KCNT2: variants seen among roughly 807,000 people sequenced by gnomAD.
The protein encoded by KCNT2 is potassium channel subfamily T member 2.
Under a neutral mutation model 153.8 loss-of-function variants are expected in KCNT2, and 67 were observed. That is an observed-to-expected ratio of 0.44 (90% CI 0.36 to 0.53). The LOEUF (loss-of-function observed/expected upper bound fraction) is 0.53, where lower values mean the gene tolerates loss of function less well. Ranked by LOEUF, KCNT2 falls within the 20% of genes least tolerant of loss-of-function variation. KCNT2 has a pLI of 0.00. For synonymous variants in KCNT2, 500 were observed against 458.8 expected (o/e 1.09, Z -1.15); for missense variants, 975 against 1,354.8 (o/e 0.72, Z 4.40).
At chr1:196,607,704 A>C (rs1430130580) in intron 1 of KCNT2, among the ~76,000 whole-genome samples, 1 of 152,238 alleles carries the variant, frequency 6.6e-6, no homozygotes, top group African/African-American at 2.4e-5. Context: ...AAAATGTTTA[A>C]ACAGCATAAA....
chr1:196,251,767 A>G (rs1290668935), intron 26 of KCNT2, among the ~76,000 whole-genome samples: 1 of 152,008 alleles, frequency 6.6e-6, no homozygotes, highest in Non-Finnish European at 1.5e-5. Flanking sequence ...ATTGGTTATA[A>G]CACAAAGAAA....
chr1:196,274,661 T>TGGAAGC (rs1658388228), intron 25 of KCNT2, among the ~76,000 whole-genome samples: 1 of 151,850 alleles, frequency 6.6e-6, no homozygotes, highest in African/African-American at 2.4e-5. Flanking sequence ...ACTATGCACA[T>TGGAAGC]TTTTGGAAGC....
chr1:196,605,769 G>A (rs938563306), intron 1 of KCNT2, among the ~76,000 whole-genome samples: 1 of 152,086 alleles, frequency 6.6e-6, no homozygotes, highest in Non-Finnish European at 1.5e-5. Flanking sequence ...CCACATATTA[G>A]CTTAGGAGTC....
intron 8 of KCNT2, among the ~76,000 whole-genome samples, chr1:196,432,486 C>T (rs1390141193): frequency 1.3e-5 from 2 of 152,062 alleles, no homozygotes; most frequent in African/African-American, 2.4e-5. Flanking sequence ...TTCCCATGGC[C>T]TGGTAGGGGC....
intron 13 of KCNT2, among the ~76,000 whole-genome samples, chr1:196,379,516 G>A (rs1038898847): frequency 1.3e-5 from 2 of 151,574 alleles, no homozygotes; most frequent in Middle Eastern, 3.4e-3. Flanking sequence ...TGGCTGCAGT[G>A]AGCCAAGACT....
intron 8 of KCNT2, among the ~76,000 whole-genome samples, chr1:196,443,842 C>T (rs1157953246): frequency 6.6e-6 from 1 of 151,382 alleles, no homozygotes; most frequent in African/African-American, 2.4e-5. Context: ...TAGTTGGTAC[C>T]GGTTCCTGAT....
At chr1:196,603,505 G>A (rs904627826) in intron 1 of KCNT2, among the ~76,000 whole-genome samples, 3 of 152,124 alleles carry the variant, frequency 2.0e-5, no homozygotes, top group African/African-American at 4.8e-5. Flanking sequence ...ATATTTTGCA[G>A]TGTATATCTA....
intron 3 of KCNT2, among the ~76,000 whole-genome samples, chr1:196,488,858 G>GTTCTTGCCCTTGGTGAGCATTC (rs1679637324): frequency 6.6e-6 from 1 of 151,998 alleles, no homozygotes; most frequent in Non-Finnish European, 1.5e-5. Flanking sequence ...ATATAGAAAG[G>GTTCTTGCCCTTGGTGAGCATTC]ACTGATAAGT....
chr1:196,436,598 T>A (rs1374017710), intron 8 of KCNT2, among the ~76,000 whole-genome samples: 3 of 151,434 alleles, frequency 2.0e-5, no homozygotes, highest in African/African-American at 7.2e-5. Context: ...ATAATATAGT[T>A]ATCTTGTTTC....
chr1:196,470,365 A>T (rs780487221), intron 5 of KCNT2, among the ~76,000 whole-genome samples: 53 of 152,226 alleles, frequency 3.5e-4, no homozygotes, highest in Middle Eastern at 3.2e-3. Flanking sequence ...TCCTATTTTA[A>T]GGCAAAAGTG....
intron 12 of KCNT2, among the ~76,000 whole-genome samples, chr1:196,411,141 C>T (rs901495961): frequency 1.4e-5 from 2 of 145,008 alleles, no homozygotes; most frequent in Non-Finnish European, 3.0e-5. Context: ...TTCCTACCTC[C>T]CTTCCTTCCT....
rs1653494691 is a variant in KCNT2, at chr1:196,226,410, A to G, written c.*1814T>C. The G allele has an allele frequency of 6.6e-6, 1 of 151,992 alleles. No homozygotes were observed. Among genetic ancestry groups the G allele is most frequent in the South Asian group, 2.1e-4 (1 of 4,824 alleles). 9.4% of individuals were successfully genotyped at this position (151,992 alleles called of 1,614,324 possible). On this transcript the variant is annotated 3_prime_UTR_variant, in exon 28 of 28. Transcript: ENST00000294725. ...ATATGTGAATGTGTGTGTCAAATAT[A>G]TTTCACGTTTATAACATATACACAT...
chr1:196,443,080 T>C (rs1274519334), intron 8 of KCNT2, among the ~76,000 whole-genome samples: 1 of 151,654 alleles, frequency 6.6e-6, no homozygotes, highest in Non-Finnish European at 1.5e-5. Flanking sequence ...GATTTGTTGA[T>C]TGTGTATTCT....
Position 196,227,657 on chromosome 1 carries a change from A to G in KCNT2, c.*567T>C, listed in dbSNP as rs1397820025. ...TCTAAGATAAATATTTTTATATCGT[A>G]AGGCAGAAAAAAAAGTTAAAATGAC... is the stretch of plus-strand genomic sequence containing the variant. On this transcript the variant is annotated 3_prime_UTR_variant, in exon 28 of 28. Transcript: ENST00000294725. The G allele has an allele frequency of 6.6e-6, 1 of 152,502 alleles. No homozygotes were observed. The highest frequency in any genetic ancestry group is 1.5e-5 in the Non-Finnish European group (1 of 67,952). The allele number at this position is 152,502 out of a possible 1,614,324, so 9.4% of individuals were successfully genotyped here.
chr1:196,360,494 C>T (rs1049794210), intron 14 of KCNT2, among the ~76,000 whole-genome samples: 2 of 152,036 alleles, frequency 1.3e-5, no homozygotes, highest in Non-Finnish European at 2.9e-5. Context: ...CAAGTGTGTC[C>T]CCCAACAATT....
chr1:196,328,053 A>C (rs6666240), intron 18 of KCNT2, among the ~76,000 whole-genome samples: 122 of 152,270 alleles, frequency 8.0e-4, no homozygotes, highest in African/African-American at 2.6e-3. Flanking sequence ...ACCCACAAAG[A>C]CTACGAATTT....
At chr1:196,432,330 A>G (rs1399455855) in intron 8 of KCNT2, among the ~76,000 whole-genome samples, 1 of 152,084 alleles carries the variant, frequency 6.6e-6, no homozygotes, top group Non-Finnish European at 1.5e-5. Flanking sequence ...CCCCAACTAG[A>G]GCAATGCCTG....
chr1:196,515,511 A>G (rs1681976382), intron 1 of KCNT2, among the ~76,000 whole-genome samples: 1 of 152,230 alleles, frequency 6.6e-6, no homozygotes, highest in South Asian at 2.1e-4. Context: ...TAGAACTAGG[A>G]AAAAGTTGAT....
chr1:196,597,267 C>T (rs1034493143), intron 1 of KCNT2, among the ~76,000 whole-genome samples: 1 of 135,392 alleles, frequency 7.4e-6, no homozygotes, highest in Non-Finnish European at 1.5e-5. Flanking sequence ...GCCACCTACA[C>T]TAAAAAAAAA....
Sources: gnomAD v4.1 joint callset for allele counts (sites outside exome capture counted in the v4.1 genomes callset) on GRCh38, gnomAD v4.1.1 for gene constraint, MANE v1.5 for transcripts, NCBI Gene and HGNC (gene_info 2026-07-23, HGNC 2026-07-21) for gene names.